Variants in CEP15 observed in about 807,000 individuals in gnomAD.
The protein encoded by CEP15 is centrosomal protein 15 kDa.
chr3:62,321,873 C>T, the CEP15 span: 1 of 1,319,394 alleles, frequency 7.6e-7, no homozygotes, highest in South Asian at 1.4e-5. This position sits in a 1 kb window ranked among gnomAD's most constrained non-coding sequence, Gnocchi z 4.1. Flanking sequence ...ATTGGTCAAG[C>T]AGTAAAATGT....
chr3:62,332,830 A>G, the CEP15 span, among the ~76,000 whole-genome samples: 1 of 152,242 alleles, frequency 6.6e-6, no homozygotes, highest in African/African-American at 2.4e-5. Flanking sequence ...TTAATCCTGA[A>G]GCATGATTTA....
At chr3:62,322,081 AT>A in the CEP15 span, 2 of 1,589,224 alleles carry the variant, frequency 1.3e-6, no homozygotes, top group South Asian at 1.2e-5. The surrounding 1 kb of genome is among the most constrained non-coding windows in gnomAD (Gnocchi z 5.5). Context: ...GAATATAGAG[AT>A]TTATCCCACC....
the CEP15 span, among the ~76,000 whole-genome samples, chr3:62,332,185 C>G: frequency 6.6e-6 from 1 of 152,050 alleles, no homozygotes; most frequent in Non-Finnish European, 1.5e-5. Context: ...ATATACAGGA[C>G]CCACACAATG....
chr3:62,321,760 G>A, the CEP15 span, among the ~76,000 whole-genome samples: 1 of 152,200 alleles, frequency 6.6e-6, no homozygotes, highest in African/African-American at 2.4e-5. This position sits in a 1 kb window ranked among gnomAD's most constrained non-coding sequence, Gnocchi z 4.1. Context: ...AAGACTTATT[G>A]AACTACCTCA....
the CEP15 span, among the ~76,000 whole-genome samples, chr3:62,330,546 AC>A: frequency 2.0e-5 from 3 of 152,188 alleles, no homozygotes; most frequent in Non-Finnish European, 4.4e-5. Flanking sequence ...AAGAATCTTT[AC>A]CAGGGTATGA....
the CEP15 span, chr3:62,333,454 A>T: frequency 2.0e-6 from 3 of 1,528,668 alleles, no homozygotes; most frequent in Non-Finnish European, 2.6e-6. This position sits in a 1 kb window ranked among gnomAD's most constrained non-coding sequence, Gnocchi z 4.0. Flanking sequence ...TATGTAGGTT[A>T]TTGCAGGAAC....
chr3:62,332,134 A>ATGCT, the CEP15 span, among the ~76,000 whole-genome samples: 1 of 152,090 alleles, frequency 6.6e-6, no homozygotes, highest in East Asian at 1.9e-4. Flanking sequence ...TGTCTTGGAC[A>ATGCT]TGCTTTTTCT....
At chr3:62,319,223 C>G in the CEP15 span, 1 of 152,558 alleles carries the variant, frequency 6.6e-6, no homozygotes, top group Non-Finnish European at 1.5e-5. Context: ...GGGCAGATGA[C>G]TCTGAGAAGG....
At chr3:62,331,702 A>G in the CEP15 span, among the ~76,000 whole-genome samples, 1 of 152,158 alleles carries the variant, frequency 6.6e-6, no homozygotes, top group Non-Finnish European at 1.5e-5. Context: ...GCACTAAATC[A>G]TGAGATGACA....
At chr3:62,335,333 G>A in the CEP15 span, 3 of 151,946 alleles carry the variant, frequency 2.0e-5, no homozygotes, top group Non-Finnish European at 2.9e-5. Context: ...TCCTGCTGTA[G>A]TGTTTTTCCC....
chr3:62,322,157 T>C, the CEP15 span: 1 of 1,172,528 alleles, frequency 8.5e-7, no homozygotes. This position sits in a 1 kb window ranked among gnomAD's most constrained non-coding sequence, Gnocchi z 5.5. Context: ...TTCTCAGTAA[T>C]AAGTAGAATT....
chr3:62,335,297 G>C, the CEP15 span: 1 of 151,770 alleles, frequency 6.6e-6, no homozygotes, highest in Admixed American at 6.6e-5. Context: ...TACGATCGAG[G>C]GCAGAAGGGA....
At chr3:62,332,180 C>T in the CEP15 span, among the ~76,000 whole-genome samples, 1 of 152,178 alleles carries the variant, frequency 6.6e-6, no homozygotes, top group South Asian at 2.1e-4. Context: ...CTGGCATATA[C>T]AGGACCCACA....
the CEP15 span, chr3:62,334,204 A>C: frequency 6.6e-6 from 1 of 151,632 alleles, no homozygotes; most frequent in African/African-American, 2.4e-5. This position sits in a 1 kb window ranked among gnomAD's most constrained non-coding sequence, Gnocchi z 4.9. Flanking sequence ...AACAGCTTTG[A>C]GATTCCTCAG....
the CEP15 span, chr3:62,331,403 A>T: frequency 5.1e-4 from 820 of 1,611,804 alleles, no homozygotes; most frequent in Non-Finnish European, 6.6e-4. Flanking sequence ...TCTTGAGGTG[A>T]GCATCTTAAG....
chr3:62,327,048 T>C, the CEP15 span, among the ~76,000 whole-genome samples: 1 of 152,226 alleles, frequency 6.6e-6, no homozygotes, highest in Non-Finnish European at 1.5e-5. Flanking sequence ...ACTTGATTGA[T>C]AAGTCTCTAA....
At chr3:62,327,910 G>A in the CEP15 span, among the ~76,000 whole-genome samples, 26 of 152,252 alleles carry the variant, frequency 1.7e-4, no homozygotes, top group Admixed American at 1.5e-3. Context: ...TGCCTGATGT[G>A]TCCCATTTTT....
the CEP15 span, among the ~76,000 whole-genome samples, chr3:62,328,938 A>G: frequency 1.3e-5 from 2 of 149,852 alleles, no homozygotes; most frequent in African/African-American, 4.9e-5. Context: ...AGGAATTCAC[A>G]CTTCGTCCTC....
At chr3:62,323,524 A>C in the CEP15 span, among the ~76,000 whole-genome samples, 1 of 152,218 alleles carries the variant, frequency 6.6e-6, no homozygotes, top group Non-Finnish European at 1.5e-5. Flanking sequence ...TTGAGACTTG[A>C]TATATAGACA....
Sources: allele counts gnomAD v4.1 joint callset (sites outside exome capture counted in the v4.1 genomes callset), GRCh38; gene constraint gnomAD v4.1.1; non-coding constraint Gnocchi (gnomAD v3.1); transcripts MANE v1.5; gene names NCBI Gene and HGNC (gene_info 2026-07-23, HGNC 2026-07-21).